The following AGPS variants were observed in gnomAD, a reference collection of about 807,000 sequenced individuals.
AGPS encodes alkylglycerone phosphate synthase.
Under a neutral mutation model 90.7 loss-of-function variants are expected in AGPS, and 26 were observed. That is an observed-to-expected ratio of 0.29 (90% CI 0.21 to 0.40). AGPS has a LOEUF of 0.40. Ranked by LOEUF, AGPS falls within the 10% of genes least tolerant of loss-of-function variation. AGPS has a pLI of 1.00. For synonymous variants in AGPS, 294 were observed against 285.3 expected, an observed-to-expected ratio of 1.03 and a Z score of -0.31; for missense variants, 540 against 816.1, an observed-to-expected ratio of 0.66 and a Z score of 4.12.
intron 19 of AGPS, among the ~76,000 whole-genome samples, chr2:177,529,283 T>C (rs10180294): frequency 2.0e-5 from 3 of 151,886 alleles, no homozygotes. Context: ...CTGCGCAACA[T>C]AGCAAGACTC....
rs1688318396 is a variant in AGPS, at chr2:177,493,183, C to T, written c.1269C>T (p.Asn423=). 2.5e-6 allele frequency: 4 copies of T among 1,613,172 alleles called. No homozygotes were observed. The highest frequency in any genetic ancestry group is 3.4e-6 in the Non-Finnish European group (4 of 1,179,434). ...CGGCATCTATTCGCCTCATGGACAA[C>T]AAGCAGTTTCAGTTTGGTAAGTAAG... ...CAPASIRLMD[N]KQFQFGHALK... Residue 423 remains asparagine, a synonymous_variant, in exon 12 of 20, where the codon AAC becomes AAT. Coordinates refer to ENST00000264167, the MANE Select transcript of AGPS (RefSeq NM_003659.4).
At chr2:177,431,004 G>A (rs1295504437) in intron 2 of AGPS, among the ~76,000 whole-genome samples, 3 of 152,102 alleles carry the variant, frequency 2.0e-5, no homozygotes, top group African/African-American at 4.8e-5. Flanking sequence ...AAATTGCTTA[G>A]CAATTGTGGA....
chr2:177,411,565 C>T (rs1685620981), intron 1 of AGPS, among the ~76,000 whole-genome samples: 1 of 152,162 alleles, frequency 6.6e-6, no homozygotes, highest in Admixed American at 6.5e-5. Context: ...TACCAGAGAT[C>T]GCCAAACTCT....
intron 2 of AGPS, among the ~76,000 whole-genome samples, chr2:177,429,883 G>T (rs541741880): frequency 4.9e-4 from 75 of 152,320 alleles, no homozygotes; most frequent in African/African-American, 1.7e-3. Flanking sequence ...GAGCCAGCAG[G>T]CTGGAAAGGC....
chr2:177,490,656 G>A (rs1460868833), intron 11 of AGPS, among the ~76,000 whole-genome samples: 6 of 151,982 alleles, frequency 3.9e-5, no homozygotes, highest in Non-Finnish European at 8.8e-5. Flanking sequence ...TGATACAGCA[G>A]TTGCCCAGGA....
At chr2:177,490,846 CTTTTTT>C (rs61555724) in intron 11 of AGPS, among the ~76,000 whole-genome samples, 81 of 58,208 alleles carry the variant, frequency 1.4e-3, no homozygotes, top group Non-Finnish European at 2.3e-3. Flanking sequence ...AAGTTGCAGA[CTTTTTT>C]TTTTTTTTTT....
chr2:177,439,519 C>G (rs1409105176), intron 5 of AGPS, among the ~76,000 whole-genome samples: 1 of 151,924 alleles, frequency 6.6e-6, no homozygotes, highest in Non-Finnish European at 1.5e-5. Context: ...AGTAAATTTA[C>G]CACAGATAGC....
At chr2:177,512,768 G>A (rs554028231) in intron 16 of AGPS, among the ~76,000 whole-genome samples, 4 of 152,262 alleles carry the variant, frequency 2.6e-5, no homozygotes, top group East Asian at 3.9e-4. Context: ...ACTTTACATC[G>A]TTTGTCTTCA....
rs954597958 is a variant in AGPS, at chr2:177,497,423, T to A, written c.1286-266T>A. Among the ~76,000 whole-genome samples, 162 of 151,916 alleles carry A rather than the reference T, an allele frequency of 1.1e-3. 5 individuals are homozygous for A. The highest frequency in any genetic ancestry group is 5.9e-5 in the Non-Finnish European group (4 of 67,848). On this transcript the variant is annotated intron_variant, in intron 12 of 19. Transcript: ENST00000264167. The stretch of plus-strand genomic sequence containing the variant: ...TAAACTATGTGTAGTATTAATTACA[T>A]ATAGTGATTTGACTTAAAAAATCAA...
intron 10 of AGPS, among the ~76,000 whole-genome samples, chr2:177,470,324 A>T (rs2105677900): frequency 6.6e-6 from 1 of 152,334 alleles, no homozygotes; most frequent in East Asian, 1.9e-4. Flanking sequence ...CTTTTATCTA[A>T]AAGACTGGGC....
rs1384556517 is a variant in AGPS, at chr2:177,396,960, A to G, written c.260+3911A>G. On this transcript the variant is annotated intron_variant, in intron 1 of 19. Coordinates refer to ENST00000264167, the MANE Select transcript of AGPS (RefSeq NM_003659.4). ...TTCTTTTCTTTTTTTTTTTTTTGCT[A>G]TGGAGTCTTGCTCTGTCTCCCAGGC... is the stretch of plus-strand genomic sequence containing the variant. Among the ~76,000 whole-genome samples the G allele has an allele frequency of 1.8e-3, 45 of 24,902 alleles. 1 individual carries two copies. The highest frequency in any genetic ancestry group is 0.012 in the Admixed American group (33 of 2,646). 16.3% of individuals were successfully genotyped at this position (24,902 alleles called of 152,430 possible). A position where few individuals can be genotyped will look rare whatever the true frequency, so the allele number is the denominator to read the frequency against.
chr2:177,513,090 TTA>T (rs879335574), intron 16 of AGPS, among the ~76,000 whole-genome samples: 1 of 150,830 alleles, frequency 6.6e-6, no homozygotes, highest in Non-Finnish European at 1.5e-5. Context: ...TGAATCATTA[TTA>T]TTATTATTAT....
At chr2:177,461,092 T>C (rs1230317174) in intron 8 of AGPS, among the ~76,000 whole-genome samples, 1 of 152,290 alleles carries the variant, frequency 6.6e-6, no homozygotes, top group African/African-American at 2.4e-5. Flanking sequence ...ATCAAAATGG[T>C]CAACACAGAT....
intron 16 of AGPS, among the ~76,000 whole-genome samples, chr2:177,509,933 A>G (rs973686257): frequency 2.0e-5 from 3 of 152,040 alleles, no homozygotes; most frequent in African/African-American, 7.3e-5. Context: ...CCCTTTTTCT[A>G]TGTCAGTTCT....
intron 1 of AGPS, among the ~76,000 whole-genome samples, chr2:177,403,650 A>G (rs1414690700): frequency 6.6e-6 from 1 of 152,242 alleles, no homozygotes; most frequent in Non-Finnish European, 1.5e-5. Context: ...GAAGACTAAC[A>G]TTAAGAGATA....
intron 8 of AGPS, among the ~76,000 whole-genome samples, chr2:177,449,937 A>G (rs1324800031): frequency 6.6e-6 from 1 of 151,536 alleles, no homozygotes; most frequent in Non-Finnish European, 1.5e-5. Context: ...TCCCGGGTTC[A>G]TGCCATTCTC....
chr2:177,423,885 A>G (rs1233024067), intron 2 of AGPS, among the ~76,000 whole-genome samples: 2 of 152,094 alleles, frequency 1.3e-5, no homozygotes, highest in African/African-American at 2.4e-5. Flanking sequence ...GAGTGAATTT[A>G]GTCCTCCTGG....
intron 2 of AGPS, among the ~76,000 whole-genome samples, chr2:177,432,355 A>G (rs1337358734): frequency 6.6e-6 from 1 of 152,242 alleles, no homozygotes; most frequent in Non-Finnish European, 1.5e-5. Context: ...TCCATTCAGT[A>G]GTCACTGTGA....
At position 177,528,808 on chromosome 2, in the gene AGPS, T is replaced by A. The variant is rs181998950; in HGVS notation, c.1855+5003T>A. ...TAAATGCTCACAGAATTTGAGCAGTTTTGCAAATTCTCAAATAGCTCTGAA... is the reference window on the plus strand; with the variant it reads ...TAAATGCTCACAGAATTTGAGCAGTATTGCAAATTCTCAAATAGCTCTGAA... On this transcript the variant is annotated intron_variant, in intron 19 of 19. Transcript: ENST00000264167. Among the ~76,000 whole-genome samples, 6 of 152,146 alleles carry A rather than the reference T, an allele frequency of 3.9e-5. 1 individual carries two copies. The highest frequency in any genetic ancestry group is 3.9e-4 in the Admixed American group (6 of 15,274).
Sources: gnomAD v4.1 joint callset for allele counts (sites outside exome capture counted in the v4.1 genomes callset) on GRCh38, gnomAD v4.1.1 for gene constraint, MANE v1.5 for transcripts, NCBI Gene and HGNC (gene_info 2026-07-23, HGNC 2026-07-21) for gene names.